Variants in NRXN2 observed in about 807,000 individuals in gnomAD.
NRXN2 encodes neurexin-2-beta.
NRXN2 carries 29 observed loss-of-function variants against 128.8 expected under a neutral mutation model. The ratio of observed to expected loss-of-function variants is 0.23; its 90% CI spans 0.17 to 0.31. The LOEUF is 0.31. Among genes scored for constraint, NRXN2 ranks in the 10% least tolerant of loss-of-function variants. NRXN2 has a pLI of 1.00. For synonymous variants in NRXN2, 1,098 were observed against 1,075.2 expected (o/e 1.02, Z -0.41); for missense variants, 1,881 against 2,452.6 (o/e 0.77, Z 4.92).
chr11:64,626,377 G>C (rs2135348729), intron 20 of NRXN2, 86 bp downstream of exon 20: 1 of 1,092,706 alleles, frequency 9.2e-7, no homozygotes, highest in South Asian at 1.3e-5. Flanking sequence ...ATTGGTGAAG[G>C]CACGGAGGGG....
intron 9 of NRXN2, chr11:64,661,398 AC>A: frequency 1.4e-6 from 2 of 1,390,696 alleles, no homozygotes; most frequent in Non-Finnish European, 1.9e-6. Flanking sequence ...CTCTGTCCAT[AC>A]CCCTCCTCCC....
intron 6 of NRXN2, among the ~76,000 whole-genome samples, chr11:64,679,498 G>A (rs542573997): frequency 2.6e-5 from 4 of 152,216 alleles, no homozygotes; most frequent in South Asian, 2.1e-4. Flanking sequence ...TTAGCCAGGC[G>A]TGGTGGCGGG....
At chr11:64,712,762 G>A (rs1565477893) in intron 2 of NRXN2, 7 of 681,624 alleles carry the variant, frequency 1.0e-5, no homozygotes, top group South Asian at 9.0e-5. Flanking sequence ...GCCCAAGCCG[G>A]CCCCGCCCAC....
rs145859556 is a variant in NRXN2 at position 64,663,092 on chromosome 11, G to A, written c.1799-1953C>T. Among the ~76,000 whole-genome samples the A allele has an allele frequency of 7.0e-4, 107 of 152,144 alleles. 1 individual carries two copies. The East Asian group carries it at 0.015, about 22-fold the overall frequency. ...TCTGCTCAAAACCTCACCTGAGGCC[G>A]GGCGCAATGGCTCACACGTGTAATC... On this transcript the variant is annotated intron_variant, in intron 9 of 22. Coordinates refer to ENST00000265459, the MANE Select transcript of NRXN2 (RefSeq NM_015080.4).
In NRXN2 at chr11:64,627,537, C is replaced by G. The variant is rs376003935; in HGVS notation, c.3758-985G>C. ...CCTTTCTTTTCCAGGCTCCTCCCCC[C>G]AGTTCCAGCCCCCATCTCTTCTGCA... On this transcript the variant is annotated intron_variant, in intron 19 of 22. Coordinates refer to ENST00000265459, the MANE Select transcript of NRXN2 (RefSeq NM_015080.4). Among the ~76,000 whole-genome samples the G allele has an allele frequency of 2.0e-5, 3 of 152,062 alleles. No homozygotes were observed. In the South Asian group the frequency reaches 6.2e-4, roughly 32 times the overall value.
chr11:64,704,117 C>T (rs2055871751), intron 2 of NRXN2, among the ~76,000 whole-genome samples: 1 of 152,128 alleles, frequency 6.6e-6, no homozygotes, highest in South Asian at 2.1e-4. Flanking sequence ...CAGAAACTGT[C>T]AGGACCACAG....
chr11:64,705,040 G>C (rs1054739417), intron 2 of NRXN2, among the ~76,000 whole-genome samples: 5 of 152,192 alleles, frequency 3.3e-5, no homozygotes, highest in African/African-American at 1.2e-4. Context: ...AGATTTTCCT[G>C]ATCTATCTCC....
At chr11:64,653,043 T>C (rs981558061) in intron 12 of NRXN2, among the ~76,000 whole-genome samples, 1 of 152,008 alleles carries the variant, frequency 6.6e-6, no homozygotes, top group Non-Finnish European at 1.5e-5. Context: ...CTCCCCCATG[T>C]GACCCCAAGC....
intron 11 of NRXN2, among the ~76,000 whole-genome samples, chr11:64,656,580 G>A: frequency 6.6e-6 from 1 of 152,242 alleles, no homozygotes; most frequent in East Asian, 1.9e-4. Context: ...TTGCAGCTCA[G>A]AGATTCTTTA....
chr11:64,609,252 C>A (rs1056225148), intron 22 of NRXN2, among the ~76,000 whole-genome samples: 2 of 152,120 alleles, frequency 1.3e-5, no homozygotes, highest in Non-Finnish European at 2.9e-5. Context: ...ACTGACTTCC[C>A]CCCTCCCCCT....
chr11:64,697,848 C>A, intron 2 of NRXN2, 56 bp from the exon 3 acceptor site: 1 of 1,607,006 alleles, frequency 6.2e-7, no homozygotes, highest in Non-Finnish European at 8.5e-7. Context: ...AAAAGGAGGG[C>A]TGTTAGCAAA....
intron 1 of NRXN2, among the ~76,000 whole-genome samples, chr11:64,715,441 T>C (rs1279519598): frequency 6.6e-6 from 1 of 152,076 alleles, no homozygotes; most frequent in African/African-American, 2.4e-5. Context: ...AGGAGAGGGC[T>C]GACTTCGGGA....
At chr11:64,645,719 T>G (rs2046549891) in intron 17 of NRXN2, among the ~76,000 whole-genome samples, 1 of 151,920 alleles carries the variant, frequency 6.6e-6, no homozygotes, top group South Asian at 2.1e-4. Context: ...ATGGAGAAAT[T>G]GAGGTGGTAA....
At chr11:64,688,469 A>C (rs931708228) in intron 5 of NRXN2, 16 of 985,292 alleles carry the variant, frequency 1.6e-5, no homozygotes, top group Non-Finnish European at 1.8e-5. Context: ...CATGACTTCA[A>C]GGGACTGGTG....
intron 2 of NRXN2, among the ~76,000 whole-genome samples, chr11:64,706,058 G>T (rs574096935): frequency 3.6e-5 from 1 of 28,078 alleles, no homozygotes; most frequent in Non-Finnish European, 6.5e-5. Context: ...CCTAAGTACA[G>T]CACTTTTATA....
Position 64,713,627 on chromosome 11 carries a change from G to T in NRXN2, c.73C>A (p.Arg25Ser). 1 of 1,251,574 alleles carries T rather than the reference G, an allele frequency of 8.0e-7. No homozygotes were observed. The highest frequency in any genetic ancestry group is 1.0e-6 in the Non-Finnish European group (1 of 994,032). The allele number at this position is 1,251,574 out of a possible 1,614,324, so 77.5% of individuals were successfully genotyped here. ...LLLLLLALAA[R>S]ADGLEFGGGP... ...CCGCCGAACTCCAGGCCGTCCGCGC[G>T]CGCCGCCAGCGCCAGCAGCAGCAGC... Residue 25 changes from arginine to serine, a missense_variant, in exon 2 of 23, where the codon CGC (arginine) becomes AGC (serine). Physicochemically the swap from Arg to Ser is moderately radical, Grantham distance 110. Around this residue, in one of 7 missense-constraint regions of NRXN2, gnomAD observed 997 missense variants for 1,240.8 expected, o/e 0.80. Coordinates refer to ENST00000265459, the MANE Select transcript of NRXN2 (RefSeq NM_015080.4).
At position 64,652,147 on chromosome 11, in the gene NRXN2, G is replaced by A. The variant is rs771410125; in HGVS notation, c.2424C>T (p.Gly808=). 1.2e-6 allele frequency: 2 copies of A among 1,611,920 alleles called. No homozygotes were observed. Among genetic ancestry groups the A allele is most frequent in the South Asian group, 1.1e-5 (1 of 91,060 alleles). The change falls in exon 13 of 23, where the codon GGC becomes GGT. Residue 808 remains glycine (G), a synonymous_variant. Transcript: ENST00000265459. ...TGTGCCCCGCAAACAGCGTTTCGGG[G>A]CCTTTACCTGCGGCACCAAGGGGGG... The part of the protein sequence containing the change: ...CLRVGCAPSK[G]PETLFAGHKL...
At chr11:64,706,931 G>A (rs2056393720) in intron 2 of NRXN2, among the ~76,000 whole-genome samples, 1 of 150,402 alleles carries the variant, frequency 6.6e-6, no homozygotes, top group Non-Finnish European at 1.5e-5. Context: ...ACAAACCTAT[G>A]AGATAAGCAT....
At chr11:64,701,336 C>T (rs1360692207) in intron 2 of NRXN2, among the ~76,000 whole-genome samples, 1 of 152,194 alleles carries the variant, frequency 6.6e-6, no homozygotes, top group Non-Finnish European at 1.5e-5. Flanking sequence ...TGCAGCCACC[C>T]CAACTTCTTC....
Sources: gnomAD v4.1 joint callset for allele counts (sites outside exome capture counted in the v4.1 genomes callset) on GRCh38, gnomAD v4.1.1 for gene constraint, gnomAD v4.1.1 regional missense constraint, MANE v1.5 for transcripts, NCBI Gene and HGNC (gene_info 2026-07-23, HGNC 2026-07-21) for gene names.